ITGA8: variants seen among roughly 807,000 people sequenced by gnomAD.
ITGA8 encodes the protein integrin alpha-8.
Under a neutral mutation model 142.3 loss-of-function variants are expected in ITGA8, and 91 were observed. The observed-to-expected ratio is 0.64, with a 90% confidence interval of 0.54 to 0.76. The LOEUF (loss-of-function observed/expected upper bound fraction) is 0.76. Among genes scored for constraint, ITGA8 ranks in the 30% least tolerant of loss-of-function variants. ITGA8 has a pLI of 0.00. For missense variants in ITGA8, 1,406 were observed against 1,327.7 expected (o/e 1.06, Z -0.92); for synonymous variants, 505 against 485.2 (o/e 1.04, Z -0.54).
chr10:15,623,279 A>G lies in ITGA8; in HGVS notation c.1400-6720T>C, dbSNP rs143023471. ...CGAATACAGTAAAGTCACAAGACCA[A>G]AGTTTAAACCCAGGCAGTCTGGCTC... On this transcript the variant is annotated intron_variant, in intron 13 of 29. Transcript: ENST00000378076. Among the ~76,000 whole-genome samples the G allele has an allele frequency of 4.3e-4, 65 of 152,326 alleles. No homozygotes were observed. The East Asian group carries it at 0.011, about 26-fold the overall frequency.
chr10:15,536,363 TA>T (rs1833437783), intron 27 of ITGA8, among the ~76,000 whole-genome samples: 1 of 152,160 alleles, frequency 6.6e-6, no homozygotes, highest in Non-Finnish European at 1.5e-5. Context: ...CGTGGTTTAT[TA>T]GACTGATCAG....
At chr10:15,694,290 T>C (rs1050869111) in intron 2 of ITGA8, among the ~76,000 whole-genome samples, 4 of 105,872 alleles carry the variant, frequency 3.8e-5, no homozygotes, top group Non-Finnish European at 5.6e-5. Context: ...CATCAGATAA[T>C]ATATCATATA....
chr10:15,692,363 A>G (rs1834952479), intron 2 of ITGA8, among the ~76,000 whole-genome samples: 1 of 152,192 alleles, frequency 6.6e-6, no homozygotes, highest in African/African-American at 2.4e-5. Context: ...GTATTCAACC[A>G]TGACATTTCA....
chr10:15,626,733 G>A (rs1222325079), intron 13 of ITGA8, among the ~76,000 whole-genome samples: 1 of 152,156 alleles, frequency 6.6e-6, no homozygotes, highest in Non-Finnish European at 1.5e-5. Context: ...CTTATAAGAA[G>A]AGGAAGCTAA....
intron 22 of ITGA8, among the ~76,000 whole-genome samples, chr10:15,590,290 A>G (rs989975184): frequency 4.6e-5 from 7 of 152,264 alleles, no homozygotes; most frequent in Admixed American, 1.3e-4. Flanking sequence ...TCGGCACTTC[A>G]TTACTGAATT....
chr10:15,694,695 A>ATATATATATATATATC lies in ITGA8; in HGVS notation c.344-6658_344-6657insGATATATATATATATA, dbSNP rs1485063481. Among the ~76,000 whole-genome samples the ATATATATATATATATC allele has an allele frequency of 2.1e-4, 29 of 136,640 alleles. 1 individual carries two copies. In the East Asian group the frequency reaches 4.9e-3, roughly 23 times the overall value. 89.6% of individuals were successfully genotyped at this position (136,640 alleles called of 152,430 possible). On this transcript the variant is annotated intron_variant, in intron 2 of 29. Transcript: ENST00000378076. ...TTTGTCGACATATATATATATATAT[A>ATATATATATATATATC]TATATATGTCGACATATGTATTTCT... is the stretch of plus-strand genomic sequence containing the variant.
At chr10:15,666,573 G>GA (rs1394018689) in intron 8 of ITGA8, among the ~76,000 whole-genome samples, 1 of 152,194 alleles carries the variant, frequency 6.6e-6, no homozygotes, top group Non-Finnish European at 1.5e-5. Context: ...GGAGTGATGA[G>GA]AGAGGGCATC....
intron 21 of ITGA8, among the ~76,000 whole-genome samples, chr10:15,592,896 A>G (rs560190187): frequency 1.4e-4 from 21 of 152,160 alleles, no homozygotes; most frequent in Non-Finnish European, 3.1e-4. Flanking sequence ...CTGGCCAGAA[A>G]TTGACTTAGA....
At position 15,660,692 on chromosome 10, in the gene ITGA8, A is replaced by C. The variant is rs146418749; in HGVS notation, c.891+187T>G. Among the ~76,000 whole-genome samples, 32 of 152,296 alleles carry C rather than the reference A, an allele frequency of 2.1e-4. 1 individual carries two copies. The highest frequency in any genetic ancestry group is 7.2e-4 in the African/African-American group (30 of 41,562). On this transcript the variant is annotated intron_variant, in intron 9 of 29. Transcript: ENST00000378076. Reference sequence around the variant, plus strand: ...TAGGCTTTTGCCTAAGTGTGGGCTAATGTAGGTGTTCTGAGCATGTTTAAG... The same window carrying C: ...TAGGCTTTTGCCTAAGTGTGGGCTACTGTAGGTGTTCTGAGCATGTTTAAG...
At chr10:15,699,310 A>G (rs1588734992) in intron 2 of ITGA8, among the ~76,000 whole-genome samples, 1 of 152,222 alleles carries the variant, frequency 6.6e-6, no homozygotes, top group East Asian at 1.9e-4. Context: ...AAAAACAAAA[A>G]CATGGCATTA....
rs774841972 is a variant in ITGA8 at position 15,597,251 on chromosome 10, T to C, written c.2167A>G (p.Met723Val). ...GGGTTCCCAAGGTCACACACCACCATCCTGGTTACATTTTCCATCTTGTAC... is the reference window on the plus strand; with the variant it reads ...GGGTTCCCAAGGTCACACACCACCACCCTGGTTACATTTTCCATCTTGTAC... ...CEYKMENVTR[M>V]VVCDLGNPMV... is the part of the protein sequence containing the mutation. Residue 723 changes from methionine to valine, a missense_variant, in exon 21 of 30, where the codon ATG becomes GTG. Met to Val is a conservative substitution (Grantham distance 21, BLOSUM62 1). Transcript: ENST00000378076. 2 of 1,614,106 alleles carry C rather than the reference T, an allele frequency of 1.2e-6. No individual in the cohort carries two copies. Among genetic ancestry groups the C allele is most frequent in the Non-Finnish European group, 1.7e-6 (2 of 1,180,000 alleles).
chr10:15,533,822 T>G (rs1833361512), intron 27 of ITGA8, among the ~76,000 whole-genome samples: 1 of 152,224 alleles, frequency 6.6e-6, no homozygotes, highest in Admixed American at 6.5e-5. Context: ...TATGTTTCTC[T>G]AAGGGAACTT....
intron 3 of ITGA8, among the ~76,000 whole-genome samples, chr10:15,684,689 T>A (rs1037858691): frequency 3.0e-4 from 2 of 6,566 alleles, no homozygotes; most frequent in Non-Finnish European, 1.7e-3. Context: ...GAAATTAAAT[T>A]TTTTTTTTTT....
chr10:15,655,599 A>G (rs904959969), intron 10 of ITGA8, among the ~76,000 whole-genome samples, 193 bp from the exon 11 acceptor site: 12 of 152,134 alleles, frequency 7.9e-5, no homozygotes, highest in African/African-American at 1.7e-4. Context: ...TTTCCCCATA[A>G]TAACCCTGAC....
In ITGA8 at chr10:15,684,037, T is replaced by C. The variant is rs1283929051; in HGVS notation, c.535A>G (p.Ser179Gly). 4 of 1,614,062 alleles carry C rather than the reference T, an allele frequency of 2.5e-6. No individual in the cohort carries two copies. In the East Asian group the frequency reaches 6.7e-5, roughly 27 times the overall value. Residue 179 changes from serine (S) to glycine (G), a missense_variant, in exon 4 of 30, where the codon AGC (serine) becomes GGC (glycine). Coordinates refer to ENST00000378076, the MANE Select transcript of ITGA8 (RefSeq NM_003638.3). ...CAAGGAGAGAACTCGGCATAGGCGC[T>C]GAAGTTCTGAATTGCTACATAGCAG... is the stretch of plus-strand genomic sequence containing the variant. ...GTCYVAIQNF[S>G]AYAEFSPCRN...
intron 2 of ITGA8, among the ~76,000 whole-genome samples, chr10:15,708,050 G>C (rs1253864586): frequency 6.6e-6 from 1 of 151,180 alleles, no homozygotes. Context: ...GTCGCTGGCT[G>C]TTCCTATGAA....
intron 23 of ITGA8, among the ~76,000 whole-genome samples, chr10:15,579,005 A>G (rs1441333042): frequency 6.6e-6 from 1 of 152,142 alleles, no homozygotes; most frequent in African/African-American, 2.4e-5. Flanking sequence ...ATTATAAAAA[A>G]CAGTAGATAA....
chr10:15,575,500 G>A lies in ITGA8; in HGVS notation c.2467C>T (p.His823Tyr). ...KEEEVGPLVEHIYELHNIGPS... is the reference protein window; with the variant it reads ...KEEEVGPLVEYIYELHNIGPS... ...CAGACAATGGCTACCTCATAAATAT[G>A]TTCCACCAATGGTCCAACCTCCTCC... The change falls in exon 24 of 30, where the codon CAT (histidine) becomes TAT (tyrosine). Residue 823 changes from histidine to tyrosine, a missense_variant. Transcript: ENST00000378076. The A allele has an allele frequency of 6.2e-7, 1 of 1,612,004 alleles. No individual in the cohort carries two copies. The highest frequency in any genetic ancestry group is 2.2e-5 in the East Asian group (1 of 44,864).
Position 15,558,158 on chromosome 10 carries a change from C to A in ITGA8, c.2682G>T (p.Leu894Phe). Reference protein sequence around the residue: ...PEDTPELSAFLRNSTIPHLVR... With the variant: ...PEDTPELSAFFRNSTIPHLVR... ...CAAGATGAGGAATAGTAGAGTTTCG[C>A]AAAAAGGCGCTGAGCTCAGGGGTGT... is the stretch of plus-strand genomic sequence containing the variant. Residue 894 changes from leucine (L) to phenylalanine (F), a missense_variant, in exon 26 of 30, where the codon TTG becomes TTT. By Grantham distance (22) the Leu-to-Phe change is conservative. Transcript: ENST00000378076. The A allele has an allele frequency of 6.2e-7, 1 of 1,614,198 alleles. No individual in the cohort carries two copies.
Sources: gnomAD v4.1 joint callset for allele counts (sites outside exome capture counted in the v4.1 genomes callset) on GRCh38, gnomAD v4.1.1 for gene constraint, MANE v1.5 for transcripts, NCBI Gene and HGNC (gene_info 2026-07-23, HGNC 2026-07-21) for gene names.